GPC6: variants seen among roughly 807,000 people sequenced by gnomAD.
GPC6 encodes glypican-6.
In GPC6, 14 loss-of-function variants were observed where a neutral mutation model predicts 55.2. The observed-to-expected ratio is 0.25, with a 90% CI of 0.17 to 0.40. GPC6 has a LOEUF of 0.40. Ranked by LOEUF, GPC6 falls within the 10% of genes least tolerant of loss-of-function variation. GPC6 has a pLI of 1.00. For missense variants in GPC6, 641 were observed against 708.5 expected, an observed-to-expected ratio of 0.90 and a Z score of 1.08; for synonymous variants, 278 against 259.6, an observed-to-expected ratio of 1.07 and a Z score of -0.68.
At chr13:93,871,988 A>G (rs1039818073) in intron 3 of GPC6, among the ~76,000 whole-genome samples, 42 of 143,494 alleles carry the variant, frequency 2.9e-4, no homozygotes, top group African/African-American at 1.0e-3. Flanking sequence ...CAAAAGAAAT[A>G]AATAAAACAA....
intron 2 of GPC6, among the ~76,000 whole-genome samples, chr13:93,719,950 A>G (rs1883393960): frequency 6.6e-6 from 1 of 152,106 alleles, no homozygotes; most frequent in South Asian, 2.1e-4. Flanking sequence ...ATCATGGTGG[A>G]TAAGCTTTTT....
intron 4 of GPC6, among the ~76,000 whole-genome samples, chr13:94,161,666 A>G (rs180917942): frequency 6.6e-6 from 1 of 152,316 alleles, no homozygotes; most frequent in East Asian, 1.9e-4. Flanking sequence ...TCATCAGAAA[A>G]CAGCAGTACT....
chr13:94,197,686 G>A (rs1473068475), intron 4 of GPC6, among the ~76,000 whole-genome samples: 1 of 152,084 alleles, frequency 6.6e-6, no homozygotes, highest in Non-Finnish European at 1.5e-5. Flanking sequence ...TTCAACATGT[G>A]CCTCTTTAGG....
chr13:94,074,608 C>T (rs1282797942), intron 4 of GPC6, among the ~76,000 whole-genome samples: 1 of 152,192 alleles, frequency 6.6e-6, no homozygotes, highest in Non-Finnish European at 1.5e-5. Context: ...TCCTTTGATG[C>T]ACAGTGTTGA....
chr13:94,273,598 T>G (rs1338231617), intron 4 of GPC6, among the ~76,000 whole-genome samples: 3 of 152,140 alleles, frequency 2.0e-5, no homozygotes, highest in African/African-American at 7.2e-5. Flanking sequence ...AGTAAGTAAA[T>G]AAGATACAGG....
chr13:94,029,548 C>G (rs184883229), intron 4 of GPC6, among the ~76,000 whole-genome samples: 78 of 152,272 alleles, frequency 5.1e-4, no homozygotes, highest in Non-Finnish European at 4.6e-4. Flanking sequence ...CTAAAAAGAT[C>G]TGCTTATTTT....
chr13:94,239,191 C>T (rs575495122), intron 4 of GPC6, among the ~76,000 whole-genome samples: 25 of 152,172 alleles, frequency 1.6e-4, no homozygotes, highest in East Asian at 7.7e-4. Flanking sequence ...GGGCCCTTCT[C>T]GGTTTAATTG....
intron 4 of GPC6, among the ~76,000 whole-genome samples, chr13:94,210,926 G>A (rs1345651665): frequency 1.3e-5 from 2 of 152,110 alleles, no homozygotes; most frequent in African/African-American, 4.8e-5. Context: ...GTGTGAGTAC[G>A]GGAGTTTACA....
At chr13:93,290,249 C>G (rs1878273581) in intron 1 of GPC6, among the ~76,000 whole-genome samples, 1 of 152,042 alleles carries the variant, frequency 6.6e-6, no homozygotes, top group South Asian at 2.1e-4. Flanking sequence ...CAGGCAGTGG[C>G]TGCTGGGTTA....
intron 3 of GPC6, among the ~76,000 whole-genome samples, chr13:94,024,557 T>G (rs1292928037): frequency 1.3e-5 from 2 of 152,176 alleles, no homozygotes; most frequent in African/African-American, 4.8e-5. Context: ...GGCTCCATTT[T>G]CTTCTTCTTC....
At chr13:93,648,565 A>G (rs907810582) in intron 2 of GPC6, among the ~76,000 whole-genome samples, 1 of 152,206 alleles carries the variant, frequency 6.6e-6, no homozygotes, top group Non-Finnish European at 1.5e-5. Context: ...ACGATCTGAC[A>G]TTGACAGTTG....
intron 3 of GPC6, among the ~76,000 whole-genome samples, chr13:93,892,305 C>G (rs902380862): frequency 5.9e-5 from 9 of 152,146 alleles, no homozygotes; most frequent in Non-Finnish European, 1.3e-4. Flanking sequence ...GTGAAAGTTC[C>G]TACCTAACGG....
At chr13:93,839,441 C>T (rs1887870930) in intron 3 of GPC6, among the ~76,000 whole-genome samples, 1 of 152,070 alleles carries the variant, frequency 6.6e-6, no homozygotes, top group Admixed American at 6.6e-5. Context: ...TAGTTGTACT[C>T]AATAGGATCA....
At chr13:94,251,576 A>G (rs1223901480) in intron 4 of GPC6, among the ~76,000 whole-genome samples, 1 of 152,008 alleles carries the variant, frequency 6.6e-6, no homozygotes, top group South Asian at 2.1e-4. Flanking sequence ...TTTTCACCTT[A>G]TTATTTTATC....
chr13:93,788,658 C>T (rs931075030), intron 2 of GPC6, among the ~76,000 whole-genome samples: 4 of 151,902 alleles, frequency 2.6e-5, no homozygotes, highest in African/African-American at 7.3e-5. Flanking sequence ...GCAGTTACAA[C>T]GCCACATTGT....
At chr13:93,425,645 A>C (rs1172851004) in intron 1 of GPC6, among the ~76,000 whole-genome samples, 4 of 152,206 alleles carry the variant, frequency 2.6e-5, no homozygotes, top group Non-Finnish European at 5.9e-5. Flanking sequence ...GTAATCTCAG[A>C]AGAGAGTTTG....
intron 4 of GPC6, among the ~76,000 whole-genome samples, chr13:94,057,620 C>T (rs1414510870): frequency 6.6e-6 from 1 of 152,170 alleles, no homozygotes; most frequent in Non-Finnish European, 1.5e-5. Flanking sequence ...CAAGAAAGGA[C>T]ATTTATGCAC....
chr13:93,977,032 T>G (rs1362404457), intron 3 of GPC6, among the ~76,000 whole-genome samples: 1 of 152,116 alleles, frequency 6.6e-6, no homozygotes, highest in Non-Finnish European at 1.5e-5. Flanking sequence ...TGATGACGGC[T>G]CCTAGCCTGC....
intron 6 of GPC6, among the ~76,000 whole-genome samples, chr13:94,325,303 C>G (rs1404251711): frequency 6.6e-6 from 1 of 152,150 alleles, no homozygotes; most frequent in Non-Finnish European, 1.5e-5. Flanking sequence ...CTCATTTGTG[C>G]TCACTCCAAG....
Sources: gnomAD v4.1 joint callset for allele counts (sites outside exome capture counted in the v4.1 genomes callset) on GRCh38, gnomAD v4.1.1 for gene constraint, MANE v1.5 for transcripts, NCBI Gene and HGNC (gene_info 2026-07-23, HGNC 2026-07-21) for gene names.